The following IL1RAPL1 variants were observed in gnomAD, a reference collection of about 807,000 sequenced individuals.
IL1RAPL1 encodes interleukin 1 receptor accessory protein like 1, also known as interleukin-1 receptor accessory protein-like 1.
IL1RAPL1 carries 3 observed loss-of-function variants against 48.4 expected under a neutral mutation model. The observed-to-expected ratio is 0.06, with a 90% CI of 0.03 to 0.16. IL1RAPL1 has a LOEUF of 0.16. IL1RAPL1 is among the 10% of genes least tolerant of loss of function. The pLI, the probability that IL1RAPL1 is intolerant of heterozygous loss-of-function variation, is 1.00. For missense variants in IL1RAPL1, 349 were observed against 530.6 expected (o/e 0.66, Z 3.36); for synonymous variants, 185 against 187.7 (o/e 0.99, Z 0.12).
At chrX:29,939,885 C>T (rs111735206) in intron 8 of IL1RAPL1, among the ~76,000 whole-genome samples, 1,703 of 85,493 alleles carry the variant, frequency 0.02, 43 homozygotes, top group African/African-American at 0.081. Context: ...TTTTTTGAGA[C>T]GGAGTCTCGT....
chrX:29,925,420 T>TTTTTG (rs1932879730), intron 8 of IL1RAPL1, among the ~76,000 whole-genome samples: 1 of 19,528 alleles, frequency 5.1e-5, no homozygotes, highest in Non-Finnish European at 9.9e-5. Flanking sequence ...CTGTTTTTTT[T>TTTTTG]TTTTTTTTTT....
At chrX:29,111,657 A>C (rs896902450) in intron 2 of IL1RAPL1, among the ~76,000 whole-genome samples, 14 of 111,620 alleles carry the variant, frequency 1.3e-4, no homozygotes, top group Non-Finnish European at 2.3e-4. Context: ...TCAAACTTCA[A>C]GGCGATGCCA....
chrX:29,765,425 G>T (rs1463660593), intron 6 of IL1RAPL1, among the ~76,000 whole-genome samples: 1 of 111,603 alleles, frequency 9.0e-6, no homozygotes, highest in Non-Finnish European at 1.9e-5. Context: ...TGCTATTTGT[G>T]GGAGAGGAGT....
intron 2 of IL1RAPL1, among the ~76,000 whole-genome samples, chrX:28,922,825 G>T (rs1923646997): frequency 8.9e-6 from 1 of 112,169 alleles, no homozygotes; most frequent in Admixed American, 9.5e-5. Context: ...TACTTGGAAA[G>T]TTTATTCCAG....
At chrX:28,933,932 G>A (rs1309185451) in intron 2 of IL1RAPL1, among the ~76,000 whole-genome samples, 1 of 111,623 alleles carries the variant, frequency 9.0e-6, no homozygotes, top group Non-Finnish European at 1.9e-5. Context: ...ATTTTAGCAT[G>A]CTAATGCATA....
At chrX:28,760,943 G>A (rs916615720) in intron 1 of IL1RAPL1, among the ~76,000 whole-genome samples, 1 of 109,361 alleles carries the variant, frequency 9.1e-6, no homozygotes, top group African/African-American at 3.3e-5. Flanking sequence ...AACATTAGCC[G>A]GGCATGGTGG....
chrX:29,050,319 C>T (rs966864137), intron 2 of IL1RAPL1, among the ~76,000 whole-genome samples: 4 of 111,728 alleles, frequency 3.6e-5, no homozygotes, highest in African/African-American at 1.3e-4. Context: ...GGTAACTCAT[C>T]CACTTTTCAC....
intron 5 of IL1RAPL1, among the ~76,000 whole-genome samples, chrX:29,416,772 A>G (rs5929061): frequency 0.38 from 42,396 of 110,416 alleles, 6,665 homozygotes; most frequent in Middle Eastern, 0.57. Context: ...CAAACAAACA[A>G]AAAACACTGC....
intron 5 of IL1RAPL1, among the ~76,000 whole-genome samples, chrX:29,473,461 C>G (rs991523444): frequency 3.6e-5 from 4 of 111,043 alleles, no homozygotes; most frequent in African/African-American, 9.8e-5. Context: ...TCTATGCTTT[C>G]TCAGCCTCTC....
chrX:29,162,976 G>A (rs1352606756), intron 2 of IL1RAPL1, among the ~76,000 whole-genome samples: 2 of 109,685 alleles, frequency 1.8e-5, no homozygotes, highest in Non-Finnish European at 3.8e-5. Context: ...GGGAGGCTGA[G>A]GCAGGAGAAT....
intron 5 of IL1RAPL1, among the ~76,000 whole-genome samples, chrX:29,418,194 G>A (rs1167542107): frequency 1.1e-5 from 1 of 90,023 alleles, no homozygotes; most frequent in Non-Finnish European, 2.1e-5. Flanking sequence ...GCATGATCTC[G>A]GCTCACTGCA....
chrX:29,346,482 G>A (rs1234162160), intron 3 of IL1RAPL1, among the ~76,000 whole-genome samples: 1 of 111,966 alleles, frequency 8.9e-6, no homozygotes, highest in Non-Finnish European at 1.9e-5. Context: ...AAAAGGGGAT[G>A]TGGCTAAGCA....
intron 5 of IL1RAPL1, among the ~76,000 whole-genome samples, chrX:29,504,251 G>A (rs888431494): frequency 9.0e-6 from 1 of 111,677 alleles, no homozygotes; most frequent in Non-Finnish European, 1.9e-5. Flanking sequence ...TGTGGCCTAA[G>A]AGATGGTCTA....
chrX:28,640,232 A>G (rs185638437), intron 1 of IL1RAPL1, among the ~76,000 whole-genome samples: 1 of 112,206 alleles, frequency 8.9e-6, no homozygotes, highest in East Asian at 2.8e-4. Flanking sequence ...GATAATGTAA[A>G]TATATGAACA....
chrX:29,018,043 A>G (rs895644676), intron 2 of IL1RAPL1, among the ~76,000 whole-genome samples: 1 of 111,740 alleles, frequency 8.9e-6, no homozygotes, highest in Non-Finnish European at 1.9e-5. Flanking sequence ...GATCATGGAA[A>G]TAACTGAATT....
At chrX:28,768,307 T>C (rs1409007166) in intron 1 of IL1RAPL1, among the ~76,000 whole-genome samples, 2 of 110,932 alleles carry the variant, frequency 1.8e-5, no homozygotes, top group Non-Finnish European at 3.8e-5. Flanking sequence ...ACACATCTGC[T>C]GCTTGGATAG....
chrX:29,567,125 C>T (rs1388763421), intron 5 of IL1RAPL1, among the ~76,000 whole-genome samples: 1 of 109,693 alleles, frequency 9.1e-6, no homozygotes, highest in Non-Finnish European at 1.9e-5. Flanking sequence ...CATTGAATGC[C>T]CAGTATGATA....
At position 29,122,409 on chromosome X, in the gene IL1RAPL1, TCACACACA is replaced by T. The variant is rs59677285; in HGVS notation, c.83-160497_83-160490del. Among the ~76,000 whole-genome samples the T allele has an allele frequency of 5.0e-4, 32 of 64,587 alleles. No homozygotes were observed. In the South Asian group the frequency reaches 9.1e-3, roughly 18 times the overall value. The allele number at this position is 64,587 out of a possible 115,157, so 56.1% of individuals were successfully genotyped here. Reference sequence around the variant, plus strand: ...CTCTCTCTCTCTTTCTCTCTCTCTCTCACACACACACACACACACACACACACACACAC... The same window carrying T: ...CTCTCTCTCTCTTTCTCTCTCTCTCTCACACACACACACACACACACACAC... On this transcript the variant is annotated intron_variant, in intron 2 of 10. Coordinates refer to ENST00000378993, the MANE Select transcript of IL1RAPL1 (RefSeq NM_014271.4).
At chrX:28,787,148 C>T (rs1936484561) in intron 1 of IL1RAPL1, among the ~76,000 whole-genome samples, 1 of 111,986 alleles carries the variant, frequency 8.9e-6, no homozygotes, top group South Asian at 3.7e-4. Flanking sequence ...AATAGAATTG[C>T]AAACTAGCCT....
Sources: allele counts gnomAD v4.1 joint callset (sites outside exome capture counted in the v4.1 genomes callset), GRCh38; gene constraint gnomAD v4.1.1; transcripts MANE v1.5; gene names NCBI Gene and HGNC (gene_info 2026-07-23, HGNC 2026-07-21).